APOBEC3D: variants seen among roughly 807,000 people sequenced by gnomAD.
The protein encoded by APOBEC3D is apolipoprotein B mRNA editing enzyme catalytic subunit 3D.
A neutral mutation model predicts 45.6 loss-of-function variants in APOBEC3D; 37 were observed. The observed-to-expected ratio is 0.81, with a 90% CI of 0.62 to 1.07. The LOEUF is 1.07. APOBEC3D is among the 50% of genes least tolerant of loss of function. The pLI is 0.00. For synonymous variants in APOBEC3D, 175 were observed against 180.7 expected (o/e 0.97, Z 0.25); for missense variants, 496 against 495.3 (o/e 1.00, Z -0.01).
At position 39,025,654 on chromosome 22, in the gene APOBEC3D, G is replaced by C. The variant is rs764940909; in HGVS notation, c.588G>C (p.Thr196=). The C allele has an allele frequency of 6.2e-7, 1 of 1,613,966 alleles. No homozygotes were observed. Among genetic ancestry groups the C allele is most frequent in the Non-Finnish European group, 8.5e-7 (1 of 1,180,000 alleles). Residue 196 remains threonine, a synonymous_variant, in exon 4 of 7, where the codon ACG becomes ACC. Transcript: ENST00000216099. ...ACAATTATGCATCCCTGCACCGCAC[G>C]CTAAAGGAGATTCTCAGGTGAGGGT... is the stretch of plus-strand genomic sequence containing the variant. ...FDDNYASLHR[T]LKEILRNPME...
intron 1 of APOBEC3D, among the ~76,000 whole-genome samples, chr22:39,022,331 G>T (rs1191622244): frequency 6.6e-6 from 1 of 152,166 alleles, no homozygotes; most frequent in Non-Finnish European, 1.5e-5. Context: ...AGATGGGAAT[G>T]GTCCCTGCAG....
At position 39,032,489 on chromosome 22, in the gene APOBEC3D, G is replaced by C; in HGVS notation, c.*173G>C. 1 of 1,413,092 alleles carries C rather than the reference G, an allele frequency of 7.1e-7. No homozygotes were observed. Among genetic ancestry groups the C allele is most frequent in the South Asian group, 1.6e-5 (1 of 62,642 alleles). The allele number at this position is 1,413,092 out of a possible 1,614,324, so 87.5% of individuals were successfully genotyped here. ...TCACCACCTCCTCCCCGCTCTCCCA[G>C]GCTCTTCTTGTAGAGGCTCTCCATC... On this transcript the variant is annotated 3_prime_UTR_variant, in exon 7 of 7. Coordinates refer to ENST00000216099, the MANE Select transcript of APOBEC3D (RefSeq NM_152426.4).
intron 4 of APOBEC3D, among the ~76,000 whole-genome samples, chr22:39,028,456 C>G (rs111599975): frequency 3.9e-5 from 6 of 152,326 alleles, no homozygotes; most frequent in African/African-American, 1.4e-4. Flanking sequence ...AGGGATGGCC[C>G]CTGCAGGCCT....
chr22:39,025,680 C>G lies in APOBEC3D; in HGVS notation c.605+9C>G. On this transcript the variant is annotated intron_variant, in intron 4 of 6. Coordinates refer to ENST00000216099, the MANE Select transcript of APOBEC3D (RefSeq NM_152426.4). ...CTAAAGGAGATTCTCAGGTGAGGGT[C>G]TCCCTCTGGCCTCATCGTCTCTCTC... 1 of 1,614,024 alleles carries G rather than the reference C, an allele frequency of 6.2e-7. No individual in the cohort carries two copies. The highest frequency in any genetic ancestry group is 8.5e-7 in the Non-Finnish European group (1 of 1,179,938).
chr22:39,027,234 G>A (rs1925763000), intron 4 of APOBEC3D, among the ~76,000 whole-genome samples: 1 of 152,098 alleles, frequency 6.6e-6, no homozygotes, highest in Admixed American at 6.6e-5. Flanking sequence ...CTGGGCAGGA[G>A]ATGTGGAAGG....
At position 39,032,185 on chromosome 22, in the gene APOBEC3D, G is replaced by GT. The variant is rs749439206; in HGVS notation, c.1043-6dup. 9.9e-6 allele frequency: 16 copies of GT among 1,613,264 alleles called. No individual in the cohort carries two copies. Among genetic ancestry groups the GT allele is most frequent in the Admixed American group, 5.0e-5 (3 of 59,920 alleles). Reference sequence around the variant, plus strand: ...GCTGGGCCCTCACTGCTTTCTCCTTGTTTTTTTCTCAGATTTTGTATCTTG... The same window carrying GT: ...GCTGGGCCCTCACTGCTTTCTCCTTGTTTTTTTTCTCAGATTTTGTATCTTG... On this transcript the variant is annotated splice_polypyrimidine_tract_variant and intron_variant, in intron 6 of 6. Transcript: ENST00000216099.
intron 5 of APOBEC3D, among the ~76,000 whole-genome samples, chr22:39,031,306 G>A (rs1926190919): frequency 6.6e-6 from 1 of 152,168 alleles, no homozygotes; most frequent in Non-Finnish European, 1.5e-5. Flanking sequence ...TGTGGTTTAT[G>A]CTCATAGTCC....
At chr22:39,026,251 A>C (rs1925653350) in intron 4 of APOBEC3D, among the ~76,000 whole-genome samples, 1 of 152,138 alleles carries the variant, frequency 6.6e-6, no homozygotes, top group African/African-American at 2.4e-5. Context: ...CCTGGCTGGC[A>C]GGGGGTCCCT....
chr22:39,029,287 A>C (rs567021538), intron 4 of APOBEC3D, 76 bp from the exon 5 acceptor site: 3 of 1,532,116 alleles, frequency 2.0e-6, no homozygotes, highest in East Asian at 2.3e-5. Context: ...GACTCCAGGG[A>C]CGTCCAGGGA....
intron 5 of APOBEC3D, among the ~76,000 whole-genome samples, chr22:39,030,963 C>G (rs1569060591): frequency 1.3e-5 from 2 of 152,186 alleles, no homozygotes; most frequent in Non-Finnish European, 2.9e-5. Flanking sequence ...GTCAGGAGTT[C>G]AAGAACAGCC....
In APOBEC3D at chr22:39,021,554, G is replaced by A. The variant is rs199852673; in HGVS notation, c.17+18G>A. 7.7e-4 allele frequency: 1,246 copies of A among 1,613,074 alleles called. 12 individuals carry two copies. The African/African-American group carries it at 0.015, about 19-fold the overall frequency. On this transcript the variant is annotated intron_variant, in intron 1 of 6. Transcript: ENST00000216099. ...CAGATCAGGTACCGCTGCCCACTATGTCCGCAGGGCCCCTCCGGCCCCTTC... is the reference window on the plus strand; with the variant it reads ...CAGATCAGGTACCGCTGCCCACTATATCCGCAGGGCCCCTCCGGCCCCTTC...
chr22:39,029,369 G>A lies in APOBEC3D; in HGVS notation c.612G>A (p.Pro204=), dbSNP rs779214802. ...HRTLKEILRN[P]MEAMYPHIFY... is the part of the protein sequence containing the mutation. ...TTCTCTCTTGTGCCCTCAGAAACCCGATGGAGGCAATGTACCCACACATAT... is the reference window on the plus strand; with the variant it reads ...TTCTCTCTTGTGCCCTCAGAAACCCAATGGAGGCAATGTACCCACACATAT... The change falls in exon 5 of 7, where the codon CCG becomes CCA. Residue 204 remains proline, a synonymous_variant. Transcript: ENST00000216099. 11 of 1,614,086 alleles carry A rather than the reference G, an allele frequency of 6.8e-6. No homozygotes were observed. The highest frequency in any genetic ancestry group is 2.2e-5 in the East Asian group (1 of 44,888).
At chr22:39,023,694 C>CTG in intron 2 of APOBEC3D, among the ~76,000 whole-genome samples, 1 of 152,088 alleles carries the variant, frequency 6.6e-6, no homozygotes, top group East Asian at 1.9e-4. Context: ...GGTGATCCAC[C>CTG]CAACTCGGCC....
At chr22:39,030,879 G>GGCTCACGCCTGTACGCAGTA (rs1926142621) in intron 5 of APOBEC3D, among the ~76,000 whole-genome samples, 1 of 152,192 alleles carries the variant, frequency 6.6e-6, no homozygotes. Context: ...CAAGCGCGGT[G>GGCTCACGCCTGTACGCAGTA]GCTCACGCCT....
In APOBEC3D at chr22:39,025,149, G is replaced by C. The variant is rs748680344; in HGVS notation, c.290G>C (p.Arg97Pro). Reference sequence around the variant, plus strand: ...GGCAACCGACTGCCTGCTAACAGGCGCTTCCAGATCACCTGGTTTGTATCA... The same window carrying C: ...GGCAACCGACTGCCTGCTAACAGGCCCTTCCAGATCACCTGGTTTGTATCA... ...FCGNRLPANRRFQITWFVSWN... is the reference protein window; with the variant it reads ...FCGNRLPANRPFQITWFVSWN... Residue 97 changes from arginine to proline, a missense_variant, in exon 3 of 7, where the codon CGC becomes CCC. Coordinates refer to ENST00000216099, the MANE Select transcript of APOBEC3D (RefSeq NM_152426.4). 1.2e-6 allele frequency: 2 copies of C among 1,613,744 alleles called. No homozygotes were observed. Among genetic ancestry groups the C allele is most frequent in the Non-Finnish European group, 1.7e-6 (2 of 1,179,764 alleles).
intron 1 of APOBEC3D, among the ~76,000 whole-genome samples, chr22:39,022,314 C>G (rs1267781326): frequency 6.6e-6 from 1 of 152,220 alleles, no homozygotes; most frequent in East Asian, 1.9e-4. Flanking sequence ...CTGACCCCTC[C>G]TCTGTAAGAT....
chr22:39,026,302 ACTCCTGGGGT>A (rs1925659263), intron 4 of APOBEC3D, among the ~76,000 whole-genome samples: 1 of 151,462 alleles, frequency 6.6e-6, no homozygotes, highest in Admixed American at 6.6e-5. Context: ...GTGCACCTGC[ACTCCTGGGGT>A]CTCTCTGCCT....
At chr22:39,030,358 T>C (rs1444132658) in intron 5 of APOBEC3D, among the ~76,000 whole-genome samples, 1 of 150,800 alleles carries the variant, frequency 6.6e-6, no homozygotes. Flanking sequence ...GCCGTCTGTG[T>C]GCTGGGCAGG....
chr22:39,028,739 C>T lies in APOBEC3D; in HGVS notation c.606-624C>T, dbSNP rs138267465. ...TCACAAGGTCAGGAGTTCAAGACCA[C>T]CCTGGCTAACGTGGTGAAACCCCGT... is the stretch of plus-strand genomic sequence containing the variant. On this transcript the variant is annotated intron_variant, in intron 4 of 6. Transcript: ENST00000216099. Among the ~76,000 whole-genome samples, 1,023 of 152,200 alleles carry T rather than the reference C, an allele frequency of 6.7e-3. 8 individuals carry two copies. Among genetic ancestry groups the T allele is most frequent in the African/African-American group, 0.023 (952 of 41,534 alleles).
Sources: gnomAD v4.1 joint callset for allele counts (sites outside exome capture counted in the v4.1 genomes callset) on GRCh38, gnomAD v4.1.1 for gene constraint, MANE v1.5 for transcripts, NCBI Gene and HGNC (gene_info 2026-07-23, HGNC 2026-07-21) for gene names.